Variants in ATF1 observed in about 807,000 individuals in gnomAD.
ATF1 encodes activating transcription factor 1.
ATF1 carries 16 observed loss-of-function variants against 34.7 expected under a neutral mutation model. That is an observed-to-expected ratio of 0.46 (90% CI 0.31 to 0.70). The LOEUF (loss-of-function observed/expected upper bound fraction) is 0.70, where lower values mean the gene tolerates loss of function less well. ATF1 is among the 30% of genes least tolerant of loss of function. The pLI, the probability that ATF1 is intolerant of heterozygous loss-of-function variation, is 0.05. For missense variants in ATF1, 255 were observed against 321.6 expected, an observed-to-expected ratio of 0.79 and a Z score of 1.58; for synonymous variants, 105 against 113.1, an observed-to-expected ratio of 0.93 and a Z score of 0.46.
In ATF1 at chr12:50,780,197, T is replaced by G; in HGVS notation, c.52T>G (p.Ser18Ala). The change falls in exon 2 of 7, where the codon TCA becomes GCA. Residue 18 changes from serine to alanine, a missense_variant. Ser to Ala is a moderately conservative substitution (Grantham distance 99, BLOSUM62 1). Coordinates refer to ENST00000262053, the MANE Select transcript of ATF1 (RefSeq NM_005171.5). ...TTSETAPQPGSAVQGAHISHI... is the reference protein window; with the variant it reads ...TTSETAPQPGAAVQGAHISHI... ...GTCAGAGACAGCACCTCAACCTGGT[T>G]CAGCAGTTCAGGGAGCTCACATTTC... is the stretch of plus-strand genomic sequence containing the variant. 6.2e-7 allele frequency: 1 copy of G among 1,613,966 alleles called. No individual in the cohort carries two copies. Among genetic ancestry groups the G allele is most frequent in the Non-Finnish European group, 8.5e-7 (1 of 1,179,906 alleles).
At chr12:50,774,209 A>G (rs1940853871) in intron 1 of ATF1, among the ~76,000 whole-genome samples, 1 of 151,616 alleles carries the variant, frequency 6.6e-6, no homozygotes, top group Non-Finnish European at 1.5e-5. Context: ...TTTCTTTTTT[A>G]TATTTAGTAG....
chr12:50,790,197 ATT>A (rs71086483), intron 2 of ATF1, among the ~76,000 whole-genome samples: 5 of 119,378 alleles, frequency 4.2e-5, no homozygotes, highest in Admixed American at 1.9e-4. Context: ...TGTGGGTTCT[ATT>A]TTTTTTTTTT....
chr12:50,797,485 CAT>C (rs1288322369), intron 3 of ATF1, among the ~76,000 whole-genome samples: 1 of 152,034 alleles, frequency 6.6e-6, no homozygotes, highest in African/African-American at 2.4e-5. Flanking sequence ...TAAATTATTA[CAT>C]GTTTTTTTGA....
At chr12:50,817,879 C>T (rs1044602744) in intron 6 of ATF1, among the ~76,000 whole-genome samples, 1 of 152,142 alleles carries the variant, frequency 6.6e-6, no homozygotes, top group Admixed American at 6.6e-5. Context: ...CAGTGAGGTT[C>T]GCTTTTTGTC....
At chr12:50,784,017 G>A (rs1941129634) in intron 2 of ATF1, among the ~76,000 whole-genome samples, 1 of 151,896 alleles carries the variant, frequency 6.6e-6, no homozygotes, top group Non-Finnish European at 1.5e-5. Flanking sequence ...AAAAAATTTA[G>A]CCAGGTGTGG....
intron 2 of ATF1, among the ~76,000 whole-genome samples, chr12:50,786,888 C>G (rs140827074): frequency 1.3e-5 from 2 of 152,256 alleles, no homozygotes; most frequent in African/African-American, 4.8e-5. Context: ...TGGAAAGAGC[C>G]TCTTTGGGGC....
At chr12:50,771,948 G>C (rs1403791422) in intron 1 of ATF1, among the ~76,000 whole-genome samples, 1 of 152,196 alleles carries the variant, frequency 6.6e-6, no homozygotes, top group Non-Finnish European at 1.5e-5. Flanking sequence ...TCCACCCCTT[G>C]TTTAGCATAT....
intron 2 of ATF1, among the ~76,000 whole-genome samples, chr12:50,782,160 A>G (rs1010629098): frequency 6.6e-6 from 1 of 152,198 alleles, no homozygotes; most frequent in Non-Finnish European, 1.5e-5. Flanking sequence ...TCTTCATATA[A>G]TTCAACCAAA....
intron 3 of ATF1, among the ~76,000 whole-genome samples, chr12:50,801,328 A>C (rs1363338345): frequency 6.6e-6 from 1 of 152,250 alleles, no homozygotes. Context: ...CTAAAAAAAA[A>C]CTACACAAAA....
chr12:50,802,421 A>T (rs1941529677), intron 3 of ATF1, among the ~76,000 whole-genome samples: 1 of 152,166 alleles, frequency 6.6e-6, no homozygotes, highest in Admixed American at 6.5e-5. Flanking sequence ...GCTCCTCAGG[A>T]TGCTGAGGCG....
chr12:50,806,099 C>G (rs930220563), intron 3 of ATF1, among the ~76,000 whole-genome samples: 1 of 150,590 alleles, frequency 6.6e-6, no homozygotes, highest in Admixed American at 6.6e-5. Context: ...TGCATTGAGC[C>G]GAGATTGCAC....
At position 50,814,946 on chromosome 12, in the gene ATF1, T is replaced by G. The variant is rs1048959432; in HGVS notation, c.671+507T>G. Among the ~76,000 whole-genome samples the G allele has an allele frequency of 3.3e-5, 5 of 150,980 alleles. No homozygotes were observed. The Admixed American group carries it at 3.3e-4, about 10-fold the overall frequency. ...ACCATCCTGGCTAACGTGGTGAAAC[T>G]CCATCTCTACTGAAAATACAAAAAA... On this transcript the variant is annotated intron_variant, in intron 6 of 6. Coordinates refer to ENST00000262053, the MANE Select transcript of ATF1 (RefSeq NM_005171.5).
intron 1 of ATF1, among the ~76,000 whole-genome samples, chr12:50,772,318 C>CTTTTTTTTTTTTTTTTTTTT (rs71086475): frequency 8.6e-6 from 1 of 116,032 alleles, no homozygotes; most frequent in Non-Finnish European, 1.9e-5. Flanking sequence ...TGCTCCATTC[C>CTTTTTTTTTTTTTTTTTTTT]TTTTTTTTTT....
Position 50,776,189 on chromosome 12 carries a change from G to T in ATF1, c.-6-3951G>T, listed in dbSNP as rs533562038. On this transcript the variant is annotated intron_variant, in intron 1 of 6. Coordinates refer to ENST00000262053, the MANE Select transcript of ATF1 (RefSeq NM_005171.5). ...TAGCTGGGCATGGTGGCGGGCGCCT[G>T]TAGTCCCAGCTACTCAGGAGGCTGA... 1.6e-4 allele frequency among the ~76,000 whole-genome samples: 24 copies of T among 151,492 alleles called. 1 individual carries two copies. The highest frequency in any genetic ancestry group is 2.8e-4 in the Non-Finnish European group (19 of 67,838).
upstream of ATF1, among the ~76,000 whole-genome samples, chr12:50,763,912 C>T (rs150775052): frequency 1.9e-3 from 285 of 152,302 alleles, 2 homozygotes; most frequent in African/African-American, 6.0e-3. Flanking sequence ...TTCCGAGGAA[C>T]CCCTAGCCAC....
At chr12:50,794,773 G>T (rs1422634373) in intron 2 of ATF1, among the ~76,000 whole-genome samples, 1 of 151,658 alleles carries the variant, frequency 6.6e-6, no homozygotes, top group Admixed American at 6.6e-5. Context: ...AAATGAATTA[G>T]CTGGGCATGG....
intron 1 of ATF1, among the ~76,000 whole-genome samples, chr12:50,764,845 C>T (rs1454393466): frequency 6.6e-6 from 1 of 152,252 alleles, no homozygotes; most frequent in Non-Finnish European, 1.5e-5. Context: ...GCATTGCGCA[C>T]GCCCCAGACA....
intron 3 of ATF1, among the ~76,000 whole-genome samples, chr12:50,809,028 A>G (rs1941676474): frequency 6.6e-6 from 1 of 151,610 alleles, no homozygotes. Context: ...GTGAGCCACC[A>G]TGACTGGCCC....
At chr12:50,794,044 A>G (rs943347172) in intron 2 of ATF1, among the ~76,000 whole-genome samples, 1 of 151,678 alleles carries the variant, frequency 6.6e-6, no homozygotes, top group Non-Finnish European at 1.5e-5. Flanking sequence ...TCCACCTCCC[A>G]GGTTCACGCC....
Sources: allele counts gnomAD v4.1 joint callset (sites outside exome capture counted in the v4.1 genomes callset), GRCh38; gene constraint gnomAD v4.1.1; transcripts MANE v1.5; gene names NCBI Gene and HGNC (gene_info 2026-07-23, HGNC 2026-07-21).